The following C4orf50 variants were observed in gnomAD, a reference collection of about 807,000 sequenced individuals.
C4orf50 encodes the protein chromosome 4 open reading frame 50, also known as uncharacterized protein C4orf50.
In C4orf50, 80 loss-of-function variants were observed where a neutral mutation model predicts 77.2. The ratio of observed to expected loss-of-function variants is 1.04; its 90% CI spans 0.87 to 1.25. The LOEUF (loss-of-function observed/expected upper bound fraction) is 1.25, where lower values mean the gene tolerates loss of function less well. Ranked by LOEUF, C4orf50 falls within the 50% of genes most tolerant of loss-of-function variation. The probability of loss-of-function intolerance (pLI) is 0.00; values close to 1 mark genes in which losing one functional copy is unlikely to be tolerated. For synonymous variants in C4orf50, 532 were observed against 465.3 expected, an observed-to-expected ratio of 1.14 and a Z score of -1.84; for missense variants, 1,257 against 1,152.9, an observed-to-expected ratio of 1.09 and a Z score of -1.31.
At chr4:5,991,857 C>T (rs899988075) in intron 27 of C4orf50, among the ~76,000 whole-genome samples, 39 of 152,312 alleles carry the variant, frequency 2.6e-4, no homozygotes, top group African/African-American at 8.4e-4. Context: ...GGAGGGGCCA[C>T]CGCATCCCTG....
chr4:5,974,158 C>T (rs567571183), intron 30 of C4orf50, among the ~76,000 whole-genome samples: 3 of 152,324 alleles, frequency 2.0e-5, no homozygotes, highest in East Asian at 1.9e-4. Context: ...CTCTGCACCT[C>T]GACTTGCCCA....
rs1461785735 is a variant in C4orf50 at position 5,900,902 on chromosome 4, G to A, written c.*2475-2714C>T. 1 of 152,246 alleles carries A rather than the reference G, an allele frequency of 6.6e-6. No individual in the cohort carries two copies. Among genetic ancestry groups the A allele is most frequent in the Non-Finnish European group, 1.5e-5 (1 of 68,044 alleles). The allele number at this position is 152,246 out of a possible 1,614,324, so 9.4% of individuals were successfully genotyped here. On this transcript the variant is annotated intron_variant, in intron 7 of 7. Transcript: ENST00000324058. The surrounding 1 kb of genome is among the most constrained non-coding windows in gnomAD (Gnocchi z 4.3). ...GGAAGGGCAATGGCAGGGCCACTCT[G>A]AGCACACAGCCCATGTGTGTCACCC...
intron 7 of C4orf50, among the ~76,000 whole-genome samples, chr4:5,924,670 G>C (rs920509719): frequency 6.6e-6 from 1 of 152,234 alleles, no homozygotes; most frequent in Non-Finnish European, 1.5e-5. Flanking sequence ...CGCCTCTCTC[G>C]GGGAGGAAGG....
rs951403384 is a variant in C4orf50 at position 5,926,337 on chromosome 4, G to A, written c.*2475-28149C>T. On this transcript the variant is annotated intron_variant, in intron 7 of 7. Coordinates refer to the C4orf50 transcript ENST00000324058. ...ACGCTAGGTGAAAGGAAACAGACAC[G>A]AAGGCCACGTGGTGCATGATTCTCT... is the stretch of plus-strand genomic sequence containing the variant. Among the ~76,000 whole-genome samples the A allele has an allele frequency of 3.3e-5, 5 of 152,286 alleles. No homozygotes were observed. In the South Asian group the frequency reaches 6.2e-4, roughly 19 times the overall value.
chr4:6,017,669 G>A lies in C4orf50; in HGVS notation c.287+476C>T, dbSNP rs1222664423. 1.3e-5 allele frequency among the ~76,000 whole-genome samples: 2 copies of A among 152,110 alleles called. No individual in the cohort carries two copies. Among genetic ancestry groups the A allele is most frequent in the Non-Finnish European group, 2.9e-5 (2 of 68,018 alleles). On this transcript the variant is annotated intron_variant, in intron 23 of 33. Transcript: ENST00000531445. The surrounding 1 kb of genome is among the most constrained non-coding windows in gnomAD (Gnocchi z 4.7). ...GTTGGGGATGGAAGGTTTGCTGTGT[G>A]GACATCTACTTGTCTGGCGGCTGCC...
rs775567275 is a variant in C4orf50, at chr4:5,970,895, G to C, written c.4104+2764C>G. On this transcript the variant is annotated intron_variant, in intron 31 of 33. Transcript: ENST00000531445. This position sits in a 1 kb window ranked among gnomAD's most constrained non-coding sequence, Gnocchi z 4.3. ...GGTGGAGTAAGCAGATCCATGGAGA[G>C]CGTGCGAGGGGGAGGGCAGCATGAG... 6.6e-6 allele frequency among the ~76,000 whole-genome samples: 1 copy of C among 152,186 alleles called. No homozygotes were observed. The highest frequency in any genetic ancestry group is 6.5e-5 in the Admixed American group (1 of 15,282).
At chr4:5,991,119 C>T (rs112914147) in intron 27 of C4orf50, among the ~76,000 whole-genome samples, 2,161 of 152,302 alleles carry the variant, frequency 0.014, 55 homozygotes, top group African/African-American at 0.045. Context: ...CCCTCACTCT[C>T]GGGCCATCCA....
chr4:5,982,432 T>C (rs1720642770), intron 28 of C4orf50, among the ~76,000 whole-genome samples: 1 of 151,994 alleles, frequency 6.6e-6, no homozygotes, highest in Non-Finnish European at 1.5e-5. Flanking sequence ...AGATGGGCGG[T>C]GGTGACGCTG....
At chr4:5,952,338 T>C (rs1034535937), downstream of C4orf50, among the ~76,000 whole-genome samples, 1 of 152,184 alleles carries the variant, frequency 6.6e-6, no homozygotes, top group African/African-American at 2.4e-5. The surrounding 1 kb of genome is among the most constrained non-coding windows in gnomAD (Gnocchi z 4.4). Context: ...CTTTCTTTGC[T>C]CTACTGAATT....
In C4orf50 at chr4:5,994,327, G is replaced by A. The variant is rs988839610; in HGVS notation, c.1093+20C>T. The A allele has an allele frequency of 1.0e-5, 4 of 399,194 alleles. No individual in the cohort carries two copies. Among genetic ancestry groups the A allele is most frequent in the Non-Finnish European group, 1.8e-5 (4 of 226,154 alleles). The allele number at this position is 399,194 out of a possible 1,614,324, so 24.7% of individuals were successfully genotyped here. ...GTGCTGCCCGCGACTCGTCCTCCAC[G>A]CACCGCGGTACCCGCGCACCTGCTG... On this transcript the variant is annotated intron_variant, in intron 26 of 33. Coordinates refer to ENST00000531445, the Ensembl canonical transcript of C4orf50.
At chr4:5,957,900 C>A (rs1216269293) in exon 34 of C4orf50, 1 of 152,124 alleles carries the variant, frequency 6.6e-6, no homozygotes, top group African/African-American at 2.4e-5. Context: ...ATGTTAACAT[C>A]AAGGGAAGCC....
downstream of C4orf50, among the ~76,000 whole-genome samples, chr4:5,952,475 T>G (rs771119549): frequency 2.6e-5 from 4 of 152,162 alleles, no homozygotes; most frequent in Admixed American, 6.5e-5. This position sits in a 1 kb window ranked among gnomAD's most constrained non-coding sequence, Gnocchi z 4.4. Flanking sequence ...GACTGGCCCC[T>G]CCTCAGAAGC....
chr4:5,922,447 C>T (rs1717319789), intron 7 of C4orf50, among the ~76,000 whole-genome samples: 1 of 152,198 alleles, frequency 6.6e-6, no homozygotes, highest in African/African-American at 2.4e-5. Context: ...TTGTCACTTA[C>T]TTATCGAACA....
intron 33 of C4orf50, among the ~76,000 whole-genome samples, chr4:5,963,317 C>A (rs776742797): frequency 3.0e-4 from 45 of 152,112 alleles, no homozygotes; most frequent in Non-Finnish European, 5.9e-4. Context: ...CTTCTACCTG[C>A]TGCTGATAAG....
At chr4:5,973,300 T>C (rs1720038358) in intron 31 of C4orf50, among the ~76,000 whole-genome samples, 1 of 152,122 alleles carries the variant, frequency 6.6e-6, no homozygotes, top group Non-Finnish European at 1.5e-5. Context: ...GGTCATGGGG[T>C]GACCAAAGCA....
chr4:5,995,507 ACACACAC>A (rs1721532019), intron 25 of C4orf50, among the ~76,000 whole-genome samples: 1 of 151,200 alleles, frequency 6.6e-6, no homozygotes, highest in Admixed American at 6.6e-5. Flanking sequence ...ACACACACAC[ACACACAC>A]ACACTCAGCT....
At chr4:5,976,457 G>GAAA (rs138450804) in intron 29 of C4orf50, among the ~76,000 whole-genome samples, 14 of 93,086 alleles carry the variant, frequency 1.5e-4, no homozygotes, top group South Asian at 4.4e-4. Context: ...CTCTGTCTCG[G>GAAA]AAAAAAAAAA....
rs1390088949 is a variant in C4orf50 at position 5,995,922 on chromosome 4, T to C, written c.964-1446A>G. 2.6e-5 allele frequency among the ~76,000 whole-genome samples: 4 copies of C among 152,302 alleles called. No individual in the cohort carries two copies. The East Asian group carries it at 7.7e-4, about 29-fold the overall frequency. ...ACTTGCTCCCCAGGTCCTCACCTTC[T>C]CTCAGCAGACCCAGCATCGGACTCC... is the stretch of plus-strand genomic sequence containing the variant. On this transcript the variant is annotated intron_variant, in intron 25 of 33. Coordinates refer to ENST00000531445, the Ensembl canonical transcript of C4orf50.
chr4:5,967,424 T>C (rs1577943173), exon 32 of C4orf50: 2 of 1,613,900 alleles, frequency 1.2e-6, no homozygotes, highest in Non-Finnish European at 1.7e-6. Context: ...CTCTTAAAGC[T>C]GCCGTCATCT....
Sources: gnomAD v4.1 joint callset for allele counts (sites outside exome capture counted in the v4.1 genomes callset) on GRCh38, gnomAD v4.1.1 for gene constraint, Gnocchi (gnomAD v3.1) non-coding constraint, MANE v1.5 for transcripts, NCBI Gene and HGNC (gene_info 2026-07-23, HGNC 2026-07-21) for gene names.